The following MAGI1 variants were observed in gnomAD, a reference collection of about 807,000 sequenced individuals.
MAGI1 encodes the protein membrane associated guanylate kinase, WW and PDZ domain containing 1, also known as membrane-associated guanylate kinase, WW and PDZ domain-containing protein 1.
A neutral mutation model predicts 139.9 loss-of-function variants in MAGI1; 58 were observed. The observed-to-expected ratio is 0.41, with a 90% CI of 0.34 to 0.52. The LOEUF is 0.52. Ranked by LOEUF, MAGI1 falls within the 20% of genes least tolerant of loss-of-function variation. The probability of loss-of-function intolerance (pLI) is 0.12; values close to 1 mark genes in which losing one functional copy is unlikely to be tolerated. For synonymous variants in MAGI1, 812 were observed against 737.9 expected (o/e 1.10, Z -1.63); for missense variants, 1,874 against 1,901.6 (o/e 0.99, Z 0.27).
At chr3:65,622,594 T>TA (rs1379333355) in intron 1 of MAGI1, among the ~76,000 whole-genome samples, 1 of 152,106 alleles carries the variant, frequency 6.6e-6, no homozygotes, top group East Asian at 1.9e-4. Context: ...AACGGAGTCT[T>TA]ATTCTGTCAC....
chr3:65,574,673 T>A (rs957021754), intron 2 of MAGI1, among the ~76,000 whole-genome samples: 6 of 151,936 alleles, frequency 3.9e-5, no homozygotes, highest in African/African-American at 1.4e-4. Flanking sequence ...AAATGAAGAA[T>A]AAAGTTGGAA....
chr3:65,841,882 G>C (rs895190216), intron 1 of MAGI1, among the ~76,000 whole-genome samples: 2 of 152,090 alleles, frequency 1.3e-5, no homozygotes, highest in African/African-American at 4.8e-5. Flanking sequence ...ATTACAACTG[G>C]TTTGAAATGA....
chr3:66,022,979 T>C (rs772494928), intron 1 of MAGI1, among the ~76,000 whole-genome samples: 14 of 152,120 alleles, frequency 9.2e-5, no homozygotes, highest in Non-Finnish European at 1.6e-4. Context: ...CCATGAAATA[T>C]AAGCTTTTTG....
At chr3:65,769,820 T>C (rs959669884) in intron 1 of MAGI1, among the ~76,000 whole-genome samples, 2 of 152,182 alleles carry the variant, frequency 1.3e-5, no homozygotes, top group African/African-American at 2.4e-5. Flanking sequence ...CATCTTCAAG[T>C]TCAGGTTTTC....
chr3:65,379,203 G>T (rs1313692767), intron 17 of MAGI1, 58 bp downstream of exon 17: 2 of 1,605,004 alleles, frequency 1.2e-6, no homozygotes, highest in Admixed American at 1.7e-5. Flanking sequence ...ACTCGCAAGA[G>T]AACAAAAACT....
intron 1 of MAGI1, among the ~76,000 whole-genome samples, chr3:65,770,415 G>A (rs1346771147): frequency 1.3e-5 from 2 of 152,100 alleles, no homozygotes; most frequent in African/African-American, 4.8e-5. Flanking sequence ...ATCCTGCCAC[G>A]TGCAGGAAGA....
intron 1 of MAGI1, among the ~76,000 whole-genome samples, chr3:65,677,693 T>G (rs1162169304): frequency 6.6e-6 from 1 of 152,192 alleles, no homozygotes; most frequent in Non-Finnish European, 1.5e-5. Context: ...TGGGAACCTC[T>G]GCACTTTCTC....
chr3:65,890,962 C>T (rs1433880807), intron 1 of MAGI1, among the ~76,000 whole-genome samples: 2 of 152,122 alleles, frequency 1.3e-5, no homozygotes, highest in Non-Finnish European at 2.9e-5. Context: ...CTAATCCTAG[C>T]ACTTTGTGAA....
chr3:65,399,135 T>C (rs566296375), intron 13 of MAGI1, among the ~76,000 whole-genome samples: 2 of 152,246 alleles, frequency 1.3e-5, no homozygotes, highest in South Asian at 2.1e-4. Flanking sequence ...TGTGCACATA[T>C]GCACAGAGCT....
rs1229804308 is a variant in MAGI1 at position 65,950,089 on chromosome 3, ACAAAC to A, written c.313+87902_313+87906del. ...AAACAAAAAAAAAACAAAAAAAAAA[ACAAAC>A]AAAAAAAAAAAACAGAACTAGCAAT... On this transcript the variant is annotated intron_variant, in intron 1 of 22. Coordinates refer to ENST00000402939, the MANE Select transcript of MAGI1 (RefSeq NM_001033057.2). Among the ~76,000 whole-genome samples, 37 of 49,992 alleles carry A rather than the reference ACAAAC, an allele frequency of 7.4e-4. 1 individual carries two copies. The highest frequency in any genetic ancestry group is 1.5e-3 in the African/African-American group (23 of 15,816). 32.8% of individuals were successfully genotyped at this position (49,992 alleles called of 152,430 possible).
chr3:65,843,448 G>A (rs2058878829), intron 1 of MAGI1, among the ~76,000 whole-genome samples: 1 of 152,132 alleles, frequency 6.6e-6, no homozygotes, highest in Non-Finnish European at 1.5e-5. Context: ...CTGACCCATA[G>A]AAACAAGGAA....
intron 1 of MAGI1, among the ~76,000 whole-genome samples, chr3:65,739,508 G>C (rs1391041060): frequency 1.3e-5 from 2 of 152,182 alleles, no homozygotes; most frequent in Non-Finnish European, 2.9e-5. Flanking sequence ...TTAGTTAACT[G>C]TTTGGTTCAA....
At chr3:65,615,810 T>C (rs2083339513) in intron 2 of MAGI1, among the ~76,000 whole-genome samples, 1 of 152,214 alleles carries the variant, frequency 6.6e-6, no homozygotes, top group South Asian at 2.1e-4. Context: ...TTGCCTGGAC[T>C]ATTACCTTAC....
At chr3:66,010,642 A>G (rs2067277928) in intron 1 of MAGI1, among the ~76,000 whole-genome samples, 1 of 152,236 alleles carries the variant, frequency 6.6e-6, no homozygotes, top group Admixed American at 6.5e-5. Flanking sequence ...TGTCATTAGT[A>G]GGACAGCTCT....
intron 1 of MAGI1, among the ~76,000 whole-genome samples, chr3:65,846,125 C>A (rs931254067): frequency 6.6e-5 from 10 of 152,174 alleles, no homozygotes; most frequent in Non-Finnish European, 1.3e-4. Flanking sequence ...TAGACATACA[C>A]AGAGCAAAGG....
chr3:65,704,011 T>A lies in MAGI1; in HGVS notation c.314-81923A>T, dbSNP rs1367364747. ...CTGGTACAATCTGAACAACCCTTTT[T>A]ATTGCTTACTTTGCGTTTTAAGGGT... On this transcript the variant is annotated intron_variant, in intron 1 of 22. Coordinates refer to ENST00000402939, the MANE Select transcript of MAGI1 (RefSeq NM_001033057.2). 2.6e-5 allele frequency among the ~76,000 whole-genome samples: 4 copies of A among 152,244 alleles called. No individual in the cohort carries two copies. The East Asian group carries it at 7.7e-4, about 29-fold the overall frequency.
In MAGI1 at chr3:65,429,547, C is replaced by T. The variant is rs375975939; in HGVS notation, c.2140G>A (p.Glu714Lys). ...DMLVECPKGS[E>K]VTLLVQRGGL... ...CCTCGTTGCACCAACAATGTGACCT[C>T]ACTTCCCTTAGGACACTCAACCAGC... The change falls in exon 12 of 23, where the codon GAG (glutamate) becomes AAG (lysine). Residue 714 changes from glutamate to lysine, a missense_variant. Coordinates refer to ENST00000402939, the MANE Select transcript of MAGI1 (RefSeq NM_001033057.2). 5 of 1,612,594 alleles carry T rather than the reference C, an allele frequency of 3.1e-6. No individual in the cohort carries two copies. The highest frequency in any genetic ancestry group is 4.2e-6 in the Non-Finnish European group (5 of 1,178,940).
chr3:65,941,346 C>CAAA (rs571392999), intron 1 of MAGI1, among the ~76,000 whole-genome samples: 4 of 130,720 alleles, frequency 3.1e-5, no homozygotes, highest in African/African-American at 1.1e-4. Context: ...GACTCCGTCT[C>CAAA]AAAAAAAAAA....
chr3:65,381,904 T>C lies in MAGI1; in HGVS notation c.2674A>G (p.Thr892Ala), dbSNP rs755937804. Residue 892 changes from threonine (T) to alanine (A), a missense_variant, in exon 16 of 23, where the codon ACG becomes GCG. Transcript: ENST00000402939. ...GCAAAAACCACTTTACGCCGCACCG[T>C]GAGATTGACGTGGCCTTGCTTGGCA... ...QAAKQGHVNL[T>A]VRRKVVFAVP... is the part of the protein sequence containing the mutation. 38 of 1,612,430 alleles carry C rather than the reference T, an allele frequency of 2.4e-5. No homozygotes were observed. The highest frequency in any genetic ancestry group is 3.1e-5 in the Non-Finnish European group (37 of 1,178,876).
Sources: gnomAD v4.1 joint callset for allele counts (sites outside exome capture counted in the v4.1 genomes callset) on GRCh38, gnomAD v4.1.1 for gene constraint, MANE v1.5 for transcripts, NCBI Gene and HGNC (gene_info 2026-07-23, HGNC 2026-07-21) for gene names.